LRRC4C: variants seen among roughly 807,000 people sequenced by gnomAD.
The protein encoded by LRRC4C is leucine rich repeat containing 4C, also known as leucine-rich repeat-containing protein 4C.
A neutral mutation model predicts 33.6 loss-of-function variants in LRRC4C; 5 were observed. That is an observed-to-expected ratio of 0.15 (90% CI 0.08 to 0.31). The LOEUF is 0.31. Ranked by LOEUF, LRRC4C falls within the 10% of genes least tolerant of loss-of-function variation. LRRC4C has a pLI of 1.00. For synonymous variants in LRRC4C, 329 were observed against 302.0 expected (o/e 1.09, Z -0.93); for missense variants, 560 against 796.7 (o/e 0.70, Z 3.58).
At chr11:40,668,078 T>C (rs1395758241) in intron 2 of LRRC4C, among the ~76,000 whole-genome samples, 1 of 152,146 alleles carries the variant, frequency 6.6e-6, no homozygotes, top group Admixed American at 6.6e-5. Context: ...AATTGAATAA[T>C]CAGAATTTGG....
chr11:40,158,857 C>T (rs1003525856), intron 5 of LRRC4C, among the ~76,000 whole-genome samples: 1 of 151,982 alleles, frequency 6.6e-6, no homozygotes, highest in African/African-American at 2.4e-5. Context: ...CATATCAAAT[C>T]AATTGTGGAT....
intron 2 of LRRC4C, among the ~76,000 whole-genome samples, chr11:40,652,067 GCTTAGCAGGGT>G (rs1334672108): frequency 2.6e-5 from 4 of 152,078 alleles, no homozygotes; most frequent in Admixed American, 1.3e-4. Flanking sequence ...TACAGAAAAG[GCTTAGCAGGGT>G]CTCATTACTT....
chr11:40,391,070 T>C (rs979801405), intron 3 of LRRC4C, among the ~76,000 whole-genome samples: 4 of 152,100 alleles, frequency 2.6e-5, no homozygotes, highest in African/African-American at 9.6e-5. Flanking sequence ...TTAGTATAGA[T>C]GGGGTTTCAC....
intron 4 of LRRC4C, among the ~76,000 whole-genome samples, chr11:40,259,476 A>C (rs1310669790): frequency 6.6e-6 from 1 of 152,050 alleles, no homozygotes; most frequent in East Asian, 1.9e-4. Flanking sequence ...TTAGACATGA[A>C]GTCCTTGCCC....
chr11:41,138,363 C>A (rs1036054989), intron 1 of LRRC4C, among the ~76,000 whole-genome samples: 1 of 152,138 alleles, frequency 6.6e-6, no homozygotes, highest in Non-Finnish European at 1.5e-5. Flanking sequence ...AGAGTCACTG[C>A]AGGTTATAAT....
intron 3 of LRRC4C, among the ~76,000 whole-genome samples, chr11:40,615,263 TATAC>T (rs1961678796): frequency 4.0e-5 from 2 of 50,302 alleles, no homozygotes; most frequent in African/African-American, 7.9e-5. Context: ...TATATATATA[TATAC>T]ACACACACAC....
intron 1 of LRRC4C, among the ~76,000 whole-genome samples, chr11:41,233,785 T>A (rs1315138407): frequency 6.6e-6 from 1 of 152,078 alleles, no homozygotes; most frequent in Non-Finnish European, 1.5e-5. Flanking sequence ...TTTCAAAATT[T>A]TCAGACAGCA....
chr11:41,050,845 G>C (rs1189037723), intron 1 of LRRC4C, among the ~76,000 whole-genome samples: 1 of 152,132 alleles, frequency 6.6e-6, no homozygotes, highest in Non-Finnish European at 1.5e-5. Flanking sequence ...TTGCCACACT[G>C]TCTTCTACAA....
At chr11:40,791,830 G>A (rs773753509) in intron 2 of LRRC4C, among the ~76,000 whole-genome samples, 5 of 152,082 alleles carry the variant, frequency 3.3e-5, no homozygotes, top group Non-Finnish European at 7.4e-5. Flanking sequence ...CATTAAACTA[G>A]TCTCTTATTT....
intron 3 of LRRC4C, among the ~76,000 whole-genome samples, chr11:40,590,700 A>G (rs1959003317): frequency 6.6e-6 from 1 of 151,732 alleles, no homozygotes; most frequent in African/African-American, 2.4e-5. Flanking sequence ...TCTAACAGAC[A>G]GGACCCTCAG....
chr11:40,449,685 G>A (rs1179332507), intron 3 of LRRC4C, among the ~76,000 whole-genome samples: 1 of 152,108 alleles, frequency 6.6e-6, no homozygotes, highest in Non-Finnish European at 1.5e-5. Flanking sequence ...AGGCATGAAT[G>A]GGGGCTAATA....
intron 3 of LRRC4C, among the ~76,000 whole-genome samples, chr11:40,543,874 T>C (rs1322403652): frequency 6.6e-6 from 1 of 152,102 alleles, no homozygotes; most frequent in Non-Finnish European, 1.5e-5. Context: ...TGTATTACTA[T>C]AGATGTGAGA....
intron 6 of LRRC4C, among the ~76,000 whole-genome samples, chr11:40,130,094 G>C (rs1479703385): frequency 6.6e-6 from 1 of 152,078 alleles, no homozygotes. Context: ...TCAAATTATA[G>C]GGTGGAATTT....
chr11:40,820,320 A>G (rs1951879869), intron 2 of LRRC4C, among the ~76,000 whole-genome samples: 1 of 152,008 alleles, frequency 6.6e-6, no homozygotes, highest in Non-Finnish European at 1.5e-5. Context: ...CATAAAAGTA[A>G]TTATACATAT....
intron 1 of LRRC4C, among the ~76,000 whole-genome samples, chr11:40,987,389 A>T (rs572862036): frequency 1.3e-5 from 2 of 152,148 alleles, no homozygotes; most frequent in South Asian, 4.1e-4. Flanking sequence ...AAATAACAAA[A>T]GGCTGAATTT....
chr11:40,660,334 C>T (rs567136591), intron 2 of LRRC4C, among the ~76,000 whole-genome samples: 3 of 152,316 alleles, frequency 2.0e-5, no homozygotes, highest in Admixed American at 6.5e-5. Context: ...GGAGTGCAGC[C>T]TGCTGGGCCA....
intron 1 of LRRC4C, among the ~76,000 whole-genome samples, chr11:41,346,678 G>A (rs1951813834): frequency 6.6e-6 from 1 of 152,112 alleles, no homozygotes; most frequent in African/African-American, 2.4e-5. Flanking sequence ...TCCCCTATTA[G>A]AATTTCACAA....
chr11:41,149,937 T>C (rs1363544679), intron 1 of LRRC4C, among the ~76,000 whole-genome samples: 2 of 152,180 alleles, frequency 1.3e-5, no homozygotes, highest in African/African-American at 4.8e-5. Context: ...GTAGGCTGCT[T>C]TTCAAAAAAT....
intron 1 of LRRC4C, among the ~76,000 whole-genome samples, chr11:41,049,102 C>T (rs1590353648): frequency 6.6e-6 from 1 of 152,150 alleles, no homozygotes; most frequent in African/African-American, 2.4e-5. Flanking sequence ...TGTGTCCTCA[C>T]CCAAATCTCA....
Sources: gnomAD v4.1 joint callset for allele counts (sites outside exome capture counted in the v4.1 genomes callset) on GRCh38, gnomAD v4.1.1 for gene constraint, MANE v1.5 for transcripts, NCBI Gene and HGNC (gene_info 2026-07-23, HGNC 2026-07-21) for gene names.